The following GPC5 variants were observed in gnomAD, a reference collection of about 807,000 sequenced individuals.
GPC5 encodes the protein glypican 5.
Under a neutral mutation model 53.9 loss-of-function variants are expected in GPC5, and 47 were observed. The observed-to-expected ratio is 0.87, with a 90% confidence interval of 0.69 to 1.11. GPC5 has a LOEUF of 1.11. Among genes scored for constraint, GPC5 ranks in the 50% most tolerant of loss-of-function variants. The pLI is 0.00. For missense variants in GPC5, 748 were observed against 713.1 expected (o/e 1.05, Z -0.56); for synonymous variants, 286 against 263.3 (o/e 1.09, Z -0.84).
At chr13:92,653,700 A>G (rs1886033436) in intron 7 of GPC5, among the ~76,000 whole-genome samples, 1 of 152,232 alleles carries the variant, frequency 6.6e-6, no homozygotes, top group African/African-American at 2.4e-5. Flanking sequence ...ACTTGAACCA[A>G]TTAGATGTGT....
intron 2 of GPC5, among the ~76,000 whole-genome samples, chr13:91,681,227 A>T (rs1174067170): frequency 6.6e-6 from 1 of 152,210 alleles, no homozygotes; most frequent in African/African-American, 2.4e-5. Flanking sequence ...TTAAGAAACA[A>T]GAACCAAGAC....
At chr13:91,923,815 A>T (rs2039740844) in intron 6 of GPC5, among the ~76,000 whole-genome samples, 1 of 152,140 alleles carries the variant, frequency 6.6e-6, no homozygotes, top group Non-Finnish European at 1.5e-5. Flanking sequence ...AATCTAATTC[A>T]ACTTCATTTA....
At chr13:91,895,030 C>G (rs1434788609) in intron 5 of GPC5, among the ~76,000 whole-genome samples, 2 of 149,146 alleles carry the variant, frequency 1.3e-5, no homozygotes, top group Non-Finnish European at 3.0e-5. Context: ...AGCTGGCCTT[C>G]TAACCAAACC....
chr13:92,397,197 T>A (rs1467559925), intron 7 of GPC5, among the ~76,000 whole-genome samples: 1 of 152,190 alleles, frequency 6.6e-6, no homozygotes, highest in African/African-American at 2.4e-5. Flanking sequence ...CCAGATCTCA[T>A]CTTGAATTAT....
intron 5 of GPC5, among the ~76,000 whole-genome samples, chr13:91,779,830 A>C (rs1566679870): frequency 6.6e-6 from 1 of 152,168 alleles, no homozygotes; most frequent in Non-Finnish European, 1.5e-5. Flanking sequence ...TCCTATGATA[A>C]CAATGTCTTT....
intron 6 of GPC5, among the ~76,000 whole-genome samples, chr13:92,123,908 A>T (rs1364720358): frequency 6.6e-6 from 1 of 152,202 alleles, no homozygotes; most frequent in Admixed American, 6.5e-5. Flanking sequence ...TGTCTTCATT[A>T]AACTATTTTC....
At chr13:92,025,536 C>T (rs1326198181) in intron 6 of GPC5, among the ~76,000 whole-genome samples, 1 of 152,094 alleles carries the variant, frequency 6.6e-6, no homozygotes, top group Non-Finnish European at 1.5e-5. Context: ...GTCAGTGAAG[C>T]TGTTGCTGGG....
At chr13:91,855,752 A>G (rs1566305975) in intron 5 of GPC5, among the ~76,000 whole-genome samples, 2 of 151,628 alleles carry the variant, frequency 1.3e-5, no homozygotes, top group East Asian at 1.9e-4. Context: ...TGCATGACCT[A>G]TACCTTAAAT....
intron 7 of GPC5, among the ~76,000 whole-genome samples, chr13:92,754,510 C>T (rs988743830): frequency 1.3e-5 from 2 of 151,572 alleles, no homozygotes; most frequent in African/African-American, 4.8e-5. Context: ...GGACTAAATG[C>T]TCCAATTAAA....
chr13:91,906,033 C>A (rs1472897846), intron 5 of GPC5, among the ~76,000 whole-genome samples: 1 of 151,852 alleles, frequency 6.6e-6, no homozygotes, highest in African/African-American at 2.4e-5. Flanking sequence ...TTATCCCTCA[C>A]CCCCCCTGCC....
At chr13:92,098,851 A>G (rs1428659994) in intron 6 of GPC5, among the ~76,000 whole-genome samples, 1 of 152,150 alleles carries the variant, frequency 6.6e-6, no homozygotes, top group African/African-American at 2.4e-5. Flanking sequence ...TGAGACAGAT[A>G]TTGGACACCT....
At chr13:92,188,874 C>G (rs80164722) in intron 7 of GPC5, among the ~76,000 whole-genome samples, 5,448 of 152,264 alleles carry the variant, frequency 0.036, 346 homozygotes, top group African/African-American at 0.12. Flanking sequence ...ACAGAAAAGC[C>G]AACAGTCCTT....
intron 7 of GPC5, among the ~76,000 whole-genome samples, chr13:92,417,926 G>C (rs1876386059): frequency 6.6e-6 from 1 of 152,098 alleles, no homozygotes; most frequent in Admixed American, 6.6e-5. Context: ...ATCAGGCAAT[G>C]AATGTCTAAA....
chr13:92,487,469 C>A (rs1879597438), intron 7 of GPC5, among the ~76,000 whole-genome samples: 1 of 152,022 alleles, frequency 6.6e-6, no homozygotes, highest in Admixed American at 6.6e-5. Context: ...GTACCATGTG[C>A]CTTTTGAGAT....
intron 5 of GPC5, among the ~76,000 whole-genome samples, chr13:91,810,788 T>G (rs2038298914): frequency 6.6e-6 from 1 of 151,918 alleles, no homozygotes; most frequent in South Asian, 2.1e-4. Context: ...CACCAGATGT[T>G]ATAGTAAAAC....
At chr13:91,737,092 A>T (rs956150012) in intron 4 of GPC5, among the ~76,000 whole-genome samples, 1 of 151,342 alleles carries the variant, frequency 6.6e-6, no homozygotes, top group African/African-American at 2.5e-5. Flanking sequence ...CAACAGAGCG[A>T]GACTCCGTCT....
chr13:92,585,566 T>C (rs920006483), intron 7 of GPC5, among the ~76,000 whole-genome samples: 2 of 152,152 alleles, frequency 1.3e-5, no homozygotes, highest in Non-Finnish European at 2.9e-5. Flanking sequence ...GACTATAGGC[T>C]TTTGAGTAAT....
intron 7 of GPC5, among the ~76,000 whole-genome samples, chr13:92,581,105 A>G (rs542833857): frequency 6.6e-6 from 1 of 152,212 alleles, no homozygotes; most frequent in East Asian, 1.9e-4. Flanking sequence ...TCTCTTAGCA[A>G]TTTTGAAATA....
chr13:92,276,997 T>TC (rs1267537504), intron 7 of GPC5, among the ~76,000 whole-genome samples: 1 of 129,766 alleles, frequency 7.7e-6, no homozygotes, highest in Non-Finnish European at 1.8e-5. Flanking sequence ...TCTCTCTCTC[T>TC]TTTTTTTTCT....
Sources: gnomAD v4.1 joint callset for allele counts (sites outside exome capture counted in the v4.1 genomes callset) on GRCh38, gnomAD v4.1.1 for gene constraint, MANE v1.5 for transcripts, NCBI Gene and HGNC (gene_info 2026-07-23, HGNC 2026-07-21) for gene names.